Variants in CD81 observed in about 807,000 individuals in gnomAD.
CD81 encodes CD81 antigen.
CD81 carries 10 observed loss-of-function variants against 30.1 expected under a neutral mutation model. That is an observed-to-expected ratio of 0.33 (90% CI 0.21 to 0.56). CD81 has a LOEUF of 0.56. CD81 is among the 20% of genes least tolerant of loss of function. CD81 has a pLI of 0.89. For missense variants in CD81, 263 were observed against 308.7 expected (o/e 0.85, Z 1.11); for synonymous variants, 147 against 126.4 (o/e 1.16, Z -1.10).
chr11:2,379,095 CT>C, intron 1 of CD81: 1 of 451,234 alleles, frequency 2.2e-6, no homozygotes, highest in South Asian at 1.6e-5. Flanking sequence ...AGGCCCGGCC[CT>C]GGGACCTCAG....
At chr11:2,377,293 G>GT (rs1849610351), upstream of CD81, 1 of 151,824 alleles carries the variant, frequency 6.6e-6, no homozygotes, top group Non-Finnish European at 1.5e-5. The surrounding 1 kb of genome is among the most constrained non-coding windows in gnomAD (Gnocchi z 7.7). Flanking sequence ...AAGTACTGCG[G>GT]AGCGAGGCGC....
Position 2,394,136 on chromosome 11 carries a change from G to C in CD81, c.223G>C (p.Val75Leu). 2 of 1,613,266 alleles carry C rather than the reference G, an allele frequency of 1.2e-6. No homozygotes were observed. Among genetic ancestry groups the C allele is most frequent in the Non-Finnish European group, 1.7e-6 (2 of 1,179,922 alleles). The change falls in exon 3 of 8, where the codon GTT becomes CTT. Residue 75 changes from valine (V) to leucine (L), a missense_variant. Val to Leu is a conservative substitution (Grantham distance 32). Coordinates refer to ENST00000263645, the MANE Select transcript of CD81 (RefSeq NM_004356.4). Reference sequence around the variant, plus strand: ...CGCTGTGGGCGCTGTCATGATGTTCGTTGGCTTCCTGGGCTGCTACGGGGC... The same window carrying C: ...CGCTGTGGGCGCTGTCATGATGTTCCTTGGCTTCCTGGGCTGCTACGGGGC... ...LIAVGAVMMFVGFLGCYGAIQ... is the reference protein window; with the variant it reads ...LIAVGAVMMFLGFLGCYGAIQ...
At position 2,395,485 on chromosome 11, in the gene CD81, A is replaced by G. The variant is rs764653167; in HGVS notation, c.424A>G (p.Asn142Asp). Residue 142 changes from asparagine (N) to aspartate (D), a missense_variant, in exon 5 of 8, where the codon AAC (asparagine) becomes GAC (aspartate). Asn to Asp is a conservative substitution (Grantham distance 23). Around this residue, in one of 3 missense-constraint regions of CD81, gnomAD observed 176 missense variants for 192.9 expected, o/e 0.91. Transcript: ENST00000263645. Reference sequence around the variant, plus strand: ...GGCCGTGGTGGATGATGACGCCAACAACGCCAAGGCTGTGGTGAAGACCTT... The same window carrying G: ...GGCCGTGGTGGATGATGACGCCAACGACGCCAAGGCTGTGGTGAAGACCTT... ...QQAVVDDDAN[N>D]AKAVVKTFHE... 1 of 1,612,582 alleles carries G rather than the reference A, an allele frequency of 6.2e-7. No individual in the cohort carries two copies. The highest frequency in any genetic ancestry group is 1.3e-5 in the African/African-American group (1 of 74,892).
chr11:2,385,979 C>T, intron 1 of CD81: 1 of 703,346 alleles, frequency 1.4e-6, no homozygotes, highest in Non-Finnish European at 2.7e-6. Context: ...AGCAGTTTTA[C>T]ATAACTGCCA....
At chr11:2,388,329 C>T (rs1046536777) in intron 1 of CD81, among the ~76,000 whole-genome samples, 3 of 146,820 alleles carry the variant, frequency 2.0e-5, no homozygotes, top group African/African-American at 5.5e-5. Flanking sequence ...CCCGAACCCT[C>T]ACCGAGGCCC....
intron 2 of CD81, chr11:2,390,935 A>C: frequency 4.3e-6 from 1 of 230,752 alleles, no homozygotes. Flanking sequence ...AGGGGTGGAG[A>C]CGGGGCAGGG....
chr11:2,387,537 CA>C (rs1340211834), intron 1 of CD81, among the ~76,000 whole-genome samples: 34 of 152,172 alleles, frequency 2.2e-4, no homozygotes, highest in African/African-American at 8.0e-4. Context: ...TCTCTGGGGC[CA>C]CCCCCCAGCC....
intron 1 of CD81, among the ~76,000 whole-genome samples, chr11:2,384,451 G>A (rs1353189831): frequency 2.1e-5 from 3 of 140,352 alleles, no homozygotes; most frequent in Non-Finnish European, 3.1e-5. Context: ...GCGTCTTGTG[G>A]GGTAGGGCGG....
intron 2 of CD81, chr11:2,392,684 T>C (rs1849920200): frequency 6.6e-6 from 1 of 152,456 alleles, no homozygotes; most frequent in Admixed American, 6.5e-5. Context: ...CTGTCCCTGA[T>C]GCGGGCTGGG....
chr11:2,390,378 T>G (rs1849876523), intron 1 of CD81, 34 bp from the exon 2 acceptor site: 2 of 1,546,060 alleles, frequency 1.3e-6, no homozygotes, highest in Non-Finnish European at 1.8e-6. Flanking sequence ...GCAGTGCTCT[T>G]CGTACATGTG....
At chr11:2,395,194 T>C (rs555363732) in intron 4 of CD81, 148 bp downstream of exon 4, 84 of 760,494 alleles carry the variant, frequency 1.1e-4, no homozygotes, top group Non-Finnish European at 1.8e-4. Flanking sequence ...CTCCAGGGGC[T>C]TTATGGAGGA....
intron 1 of CD81, among the ~76,000 whole-genome samples, chr11:2,383,641 CGG>C (rs1849737974): frequency 1.3e-5 from 2 of 152,216 alleles, no homozygotes; most frequent in African/African-American, 2.4e-5. Flanking sequence ...CCCTAGGTGT[CGG>C]TGAGCAGGCA....
chr11:2,385,868 G>A, intron 1 of CD81: 1 of 648,784 alleles, frequency 1.5e-6, no homozygotes, highest in Non-Finnish European at 2.9e-6. Context: ...TAGAACATTT[G>A]TGTACAAGTC....
At chr11:2,393,739 T>TG in intron 2 of CD81, 1 of 599,854 alleles carries the variant, frequency 1.7e-6, no homozygotes, top group Non-Finnish European at 3.0e-6. Context: ...GTGAAGGCGG[T>TG]GGGTGGCGGG....
Position 2,395,819 on chromosome 11 carries a change from C to T in CD81, c.460-50C>T, listed in dbSNP as rs190124915. On this transcript the variant is annotated intron_variant, in intron 5 of 7. Transcript: ENST00000263645. ...CTCCCCATGGGTTCCCTAGAGCCAC[C>T]GTCCCCCTGGGCACATCCAGGGCTG... is the stretch of plus-strand genomic sequence containing the variant. The T allele has an allele frequency of 8.8e-5, 114 of 1,295,772 alleles. No individual in the cohort carries two copies. In the East Asian group the frequency reaches 1.8e-3, roughly 21 times the overall value. The allele number at this position is 1,295,772 out of a possible 1,614,324, so 80.3% of individuals were successfully genotyped here. A position where few individuals can be genotyped will look rare whatever the true frequency, so the allele number is the denominator to read the frequency against.
intron 1 of CD81, among the ~76,000 whole-genome samples, chr11:2,389,136 G>C (rs1018834991): frequency 3.3e-5 from 5 of 152,178 alleles, no homozygotes; most frequent in African/African-American, 1.2e-4. Context: ...CTAGAGGGCT[G>C]TGGGGCCCTG....
At chr11:2,379,231 G>A in intron 1 of CD81, 1 of 450,116 alleles carries the variant, frequency 2.2e-6, no homozygotes, top group Non-Finnish European at 4.5e-6. Flanking sequence ...GGGGGTGGGG[G>A]CTGAGGGAGA....
rs1432980698 is a variant in CD81, at chr11:2,395,484, C to G, written c.423C>G (p.Asn141Lys). 3.7e-6 allele frequency: 6 copies of G among 1,612,622 alleles called. No homozygotes were observed. The highest frequency in any genetic ancestry group is 5.1e-6 in the Non-Finnish European group (6 of 1,179,918). ...LQQAVVDDDA[N>K]NAKAVVKTFH... ...AGGCCGTGGTGGATGATGACGCCAA[C>G]AACGCCAAGGCTGTGGTGAAGACCT... Residue 141 changes from asparagine (N) to lysine (K), a missense_variant, in exon 5 of 8, where the codon AAC becomes AAG. Around this residue, in one of 3 missense-constraint regions of CD81, gnomAD observed 176 missense variants for 192.9 expected, o/e 0.91. Coordinates refer to ENST00000263645, the MANE Select transcript of CD81 (RefSeq NM_004356.4).
At chr11:2,396,362 C>T in intron 6 of CD81, 1 of 594,252 alleles carries the variant, frequency 1.7e-6, no homozygotes, top group Non-Finnish European at 3.0e-6. Context: ...CTTTAGGGGT[C>T]TAGTGACACC....
Sources: gnomAD v4.1 joint callset for allele counts (sites outside exome capture counted in the v4.1 genomes callset) on GRCh38, gnomAD v4.1.1 for gene constraint, gnomAD v4.1.1 regional missense constraint, Gnocchi (gnomAD v3.1) non-coding constraint, MANE v1.5 for transcripts, NCBI Gene and HGNC (gene_info 2026-07-23, HGNC 2026-07-21) for gene names.